Variants in CDH13 observed in about 807,000 individuals in gnomAD.
CDH13 encodes the protein cadherin-13.
A neutral mutation model predicts 63.8 loss-of-function variants in CDH13; 24 were observed. The observed-to-expected ratio is 0.38, with a 90% CI of 0.27 to 0.53. CDH13 has a LOEUF of 0.53. Among genes scored for constraint, CDH13 ranks in the 20% least tolerant of loss-of-function variants. The pLI is 0.85. For missense variants in CDH13, 1,049 were observed against 903.1 expected (o/e 1.16, Z -2.07); for synonymous variants, 503 against 355.3 (o/e 1.42, Z -4.67).
chr16:83,243,025 A>G (rs1318286696), intron 5 of CDH13, among the ~76,000 whole-genome samples: 1 of 152,194 alleles, frequency 6.6e-6, no homozygotes, highest in Non-Finnish European at 1.5e-5. Context: ...AGGAAACTGC[A>G]GGATTGACAG....
chr16:83,102,997 G>T (rs1170965383), intron 3 of CDH13, among the ~76,000 whole-genome samples: 1 of 116,050 alleles, frequency 8.6e-6, no homozygotes, highest in Non-Finnish European at 1.7e-5. Context: ...CTGTCACCCA[G>T]GTTGGAGTGC....
chr16:82,995,085 T>C (rs1912054903), intron 2 of CDH13, among the ~76,000 whole-genome samples: 1 of 152,218 alleles, frequency 6.6e-6, no homozygotes, highest in South Asian at 2.1e-4. Flanking sequence ...ACTGCTGCTA[T>C]CTTTATTCCC....
chr16:82,842,112 G>GTATATATATATATATATATA (rs1239169050), intron 1 of CDH13, among the ~76,000 whole-genome samples: 1 of 58,962 alleles, frequency 1.7e-5, no homozygotes, highest in African/African-American at 6.8e-5. Context: ...ATATATATAT[G>GTATATATATATATATATATA]TATATATATA....
chr16:83,470,628 G>T (rs1341583315), intron 6 of CDH13, among the ~76,000 whole-genome samples: 1 of 152,114 alleles, frequency 6.6e-6, no homozygotes, highest in Non-Finnish European at 1.5e-5. Context: ...GCAGGAGGGA[G>T]AATCTGATTC....
At chr16:83,628,323 G>C (rs747697902) in intron 8 of CDH13, among the ~76,000 whole-genome samples, 1 of 152,118 alleles carries the variant, frequency 6.6e-6, no homozygotes, top group Non-Finnish European at 1.5e-5. Context: ...GCCCAGGCTG[G>C]TCTCAAACTC....
intron 1 of CDH13, among the ~76,000 whole-genome samples, chr16:82,712,183 G>T (rs115747290): frequency 6.6e-6 from 1 of 151,920 alleles, no homozygotes; most frequent in Non-Finnish European, 1.5e-5. Flanking sequence ...CCATTATCTC[G>T]CATGACCTTG....
intron 1 of CDH13, among the ~76,000 whole-genome samples, chr16:82,662,983 A>G (rs1912141614): frequency 6.6e-6 from 1 of 152,072 alleles, no homozygotes; most frequent in African/African-American, 2.4e-5. Flanking sequence ...ACATTGGATA[A>G]ATTGCAGTTT....
At chr16:83,419,435 A>T (rs767981708) in intron 6 of CDH13, among the ~76,000 whole-genome samples, 1 of 152,214 alleles carries the variant, frequency 6.6e-6, no homozygotes, top group Non-Finnish European at 1.5e-5. Flanking sequence ...GAATTATCTT[A>T]TTTAAACCCC....
At chr16:82,993,872 T>A (rs1911919504) in intron 2 of CDH13, among the ~76,000 whole-genome samples, 1 of 152,198 alleles carries the variant, frequency 6.6e-6, no homozygotes, top group Admixed American at 6.5e-5. Flanking sequence ...CACCTGGTGC[T>A]TCGTTCTTTG....
intron 1 of CDH13, among the ~76,000 whole-genome samples, chr16:82,655,727 C>T (rs963750940): frequency 6.6e-6 from 1 of 152,160 alleles, no homozygotes; most frequent in East Asian, 1.9e-4. Flanking sequence ...GTTAATTTTA[C>T]ATATATATTA....
intron 1 of CDH13, among the ~76,000 whole-genome samples, chr16:82,845,731 G>C (rs2039228477): frequency 1.3e-5 from 2 of 152,078 alleles, no homozygotes; most frequent in African/African-American, 4.8e-5. Flanking sequence ...AAGGGAAACA[G>C]GTATTATATG....
intron 4 of CDH13, among the ~76,000 whole-genome samples, chr16:83,195,305 C>T (rs2038847423): frequency 1.3e-5 from 2 of 152,242 alleles, no homozygotes; most frequent in Middle Eastern, 3.4e-3. Context: ...TCTGTTCTTG[C>T]ACTGCTATAA....
At chr16:83,145,125 T>A (rs992899897) in intron 4 of CDH13, among the ~76,000 whole-genome samples, 2 of 152,156 alleles carry the variant, frequency 1.3e-5, no homozygotes, top group African/African-American at 4.8e-5. Context: ...TTTGTCTACA[T>A]GAAGGGATAT....
intron 1 of CDH13, among the ~76,000 whole-genome samples, chr16:82,752,929 A>T (rs1231587009): frequency 1.3e-5 from 2 of 152,252 alleles, no homozygotes; most frequent in African/African-American, 4.8e-5. Context: ...ATAATAGATA[A>T]ATAATCTTAA....
intron 11 of CDH13, among the ~76,000 whole-genome samples, chr16:83,759,433 G>A (rs1458508936): frequency 1.3e-5 from 2 of 151,994 alleles, no homozygotes; most frequent in East Asian, 1.9e-4. Flanking sequence ...AGGAAAAAAT[G>A]CATATTTTAG....
At chr16:83,085,724 A>G (rs2033549282) in intron 3 of CDH13, among the ~76,000 whole-genome samples, 1 of 152,176 alleles carries the variant, frequency 6.6e-6, no homozygotes, top group South Asian at 2.1e-4. Context: ...ATGAGCAACC[A>G]TGTCACTATG....
chr16:83,681,601 C>G (rs184900770), intron 10 of CDH13, among the ~76,000 whole-genome samples: 2 of 152,148 alleles, frequency 1.3e-5, no homozygotes, highest in Non-Finnish European at 2.9e-5. Flanking sequence ...TCCCTCCTTT[C>G]TCTTTCTTCC....
chr16:83,217,671 G>T (rs184404555), intron 5 of CDH13, among the ~76,000 whole-genome samples, 174 bp downstream of exon 5: 1 of 152,100 alleles, frequency 6.6e-6, no homozygotes, highest in African/African-American at 2.4e-5. Flanking sequence ...GGGCAACAGT[G>T]GGGGGTCTTT....
At chr16:82,947,523 T>C (rs951064884) in intron 2 of CDH13, among the ~76,000 whole-genome samples, 4 of 152,152 alleles carry the variant, frequency 2.6e-5, no homozygotes, top group African/African-American at 9.7e-5. Context: ...TTATTGTATG[T>C]AATTTTGACA....
Sources: allele counts gnomAD v4.1 joint callset (sites outside exome capture counted in the v4.1 genomes callset), GRCh38; gene constraint gnomAD v4.1.1; transcripts MANE v1.5; gene names NCBI Gene and HGNC (gene_info 2026-07-23, HGNC 2026-07-21).